The following PLXNA4 variants were observed in gnomAD, a reference collection of about 807,000 sequenced individuals.
The protein encoded by PLXNA4 is plexin-A4.
Under a neutral mutation model 191.8 loss-of-function variants are expected in PLXNA4, and 44 were observed. The observed-to-expected ratio is 0.23, with a 90% CI of 0.18 to 0.29. The LOEUF is 0.29. Among genes scored for constraint, PLXNA4 ranks in the 10% least tolerant of loss-of-function variants. PLXNA4 has a pLI of 1.00. For synonymous variants in PLXNA4, 1,082 were observed against 1,009.5 expected (o/e 1.07, Z -1.36); for missense variants, 1,800 against 2,488.8 (o/e 0.72, Z 5.89).
At chr7:132,334,318 C>T (rs1282926781) in intron 3 of PLXNA4, among the ~76,000 whole-genome samples, 1 of 137,710 alleles carries the variant, frequency 7.3e-6, no homozygotes, top group Non-Finnish European at 1.5e-5. Context: ...AGTGCAGTGG[C>T]CCAGTCGCAG....
intron 4 of PLXNA4, among the ~76,000 whole-genome samples, chr7:132,250,503 T>A (rs1235090813): frequency 1.3e-5 from 2 of 152,220 alleles, no homozygotes; most frequent in African/African-American, 4.8e-5. Context: ...GATTAATCTC[T>A]TAGTGTAAAG....
chr7:132,234,878 T>C lies in PLXNA4; in HGVS notation c.1604+6188A>G, dbSNP rs1238206988. Among the ~76,000 whole-genome samples the C allele has an allele frequency of 3.9e-5, 6 of 152,254 alleles. No individual in the cohort carries two copies. In the East Asian group the frequency reaches 7.7e-4, roughly 20 times the overall value. On this transcript the variant is annotated intron_variant, in intron 5 of 31. Transcript: ENST00000321063. Reference sequence around the variant, plus strand: ...GGACACCAACCATTCCTCATGACTGTGTAGGCCTTGTGCAAGCAGCCCTAG... The same window carrying C: ...GGACACCAACCATTCCTCATGACTGCGTAGGCCTTGTGCAAGCAGCCCTAG...
chr7:132,542,285 G>A (rs982872701), intron 1 of PLXNA4, among the ~76,000 whole-genome samples: 1 of 152,196 alleles, frequency 6.6e-6, no homozygotes, highest in Non-Finnish European at 1.5e-5. Flanking sequence ...TATAAATCCA[G>A]TTGGAGGTAA....
At chr7:132,465,017 C>G (rs1051309569) in intron 3 of PLXNA4, among the ~76,000 whole-genome samples, 1 of 152,238 alleles carries the variant, frequency 6.6e-6, no homozygotes, top group East Asian at 1.9e-4. Flanking sequence ...CCTGACCCAG[C>G]CCCGGGGAGC....
chr7:132,181,970 G>T (rs908250787), intron 17 of PLXNA4, 127 bp downstream of exon 17: 2 of 1,457,228 alleles, frequency 1.4e-6, no homozygotes, highest in Non-Finnish European at 1.9e-6. Context: ...GTATTCAAGG[G>T]TGTCAGGCTG....
intron 3 of PLXNA4, among the ~76,000 whole-genome samples, chr7:132,406,887 G>A (rs1163534372): frequency 2.0e-5 from 3 of 152,098 alleles, no homozygotes; most frequent in Admixed American, 6.5e-5. Context: ...AGTGGGCACC[G>A]AGAGAATCAA....
At chr7:132,151,800 C>T (rs1009032151) in intron 25 of PLXNA4, among the ~76,000 whole-genome samples, 3 of 152,114 alleles carry the variant, frequency 2.0e-5, no homozygotes, top group African/African-American at 7.2e-5. Flanking sequence ...GAAGCCTACC[C>T]AGCTGAACCC....
rs28644451 is a variant in PLXNA4 at position 132,365,362 on chromosome 7, C to T, written c.1372-67140G>A. Among the ~76,000 whole-genome samples, 546 of 63,424 alleles carry T rather than the reference C, an allele frequency of 8.6e-3. 3 individuals are homozygous for T. Among genetic ancestry groups the T allele is most frequent in the African/African-American group, 0.037 (419 of 11,272 alleles). 41.6% of individuals were successfully genotyped at this position (63,424 alleles called of 152,430 possible). A position where few individuals can be genotyped will look rare whatever the true frequency, so the allele number is the denominator to read the frequency against. ...GTGTGTGTGTGTGTGTGTGTGTGTGCGTGCGCGCGCATGCATGGGGCAAGA... is the reference window on the plus strand; with the variant it reads ...GTGTGTGTGTGTGTGTGTGTGTGTGTGTGCGCGCGCATGCATGGGGCAAGA... On this transcript the variant is annotated intron_variant, in intron 3 of 31. Transcript: ENST00000321063.
chr7:132,609,620 TAG>T (rs1300516074), intron 2 of PLXNA4, among the ~76,000 whole-genome samples: 6 of 152,240 alleles, frequency 3.9e-5, no homozygotes, highest in Admixed American at 3.3e-4. Flanking sequence ...TTTACTGAAT[TAG>T]ACTAATAGAT....
chr7:132,600,272 A>C (rs758927019), intron 2 of PLXNA4, among the ~76,000 whole-genome samples: 4 of 152,144 alleles, frequency 2.6e-5, no homozygotes, highest in Non-Finnish European at 5.9e-5. Flanking sequence ...GAACCTTAAA[A>C]CTATCTGGGC....
chr7:132,565,810 G>T (rs900995483), intron 1 of PLXNA4, among the ~76,000 whole-genome samples: 1 of 152,160 alleles, frequency 6.6e-6, no homozygotes, highest in African/African-American at 2.4e-5. Context: ...AAATGAAGTG[G>T]CAATTTCCCA....
At chr7:132,404,871 C>T (rs866394091) in intron 3 of PLXNA4, among the ~76,000 whole-genome samples, 10 of 152,148 alleles carry the variant, frequency 6.6e-5, no homozygotes, top group Middle Eastern at 3.4e-3. Flanking sequence ...GGTGGAAAGA[C>T]GAAGCTTCAG....
intron 3 of PLXNA4, chr7:132,384,333 A>G (rs956134614): frequency 7.1e-6 from 7 of 985,310 alleles, no homozygotes; most frequent in Middle Eastern, 5.2e-4. Context: ...ACTCTTGACT[A>G]CACTTTATTT....
intron 5 of PLXNA4, among the ~76,000 whole-genome samples, chr7:132,235,505 C>T (rs1798668464): frequency 6.6e-6 from 1 of 152,184 alleles, no homozygotes; most frequent in Admixed American, 6.5e-5. Context: ...GCCAACCTAT[C>T]CAGAGGAGGG....
intron 3 of PLXNA4, among the ~76,000 whole-genome samples, chr7:132,333,822 T>C (rs1269807125): frequency 1.3e-5 from 2 of 152,194 alleles, no homozygotes; most frequent in Non-Finnish European, 2.9e-5. Context: ...CCTTGTCTTA[T>C]AAACACTGCC....
chr7:132,354,336 A>C (rs1037777219), intron 3 of PLXNA4, among the ~76,000 whole-genome samples: 3 of 152,172 alleles, frequency 2.0e-5, no homozygotes, highest in African/African-American at 7.2e-5. Flanking sequence ...TTTGAAACCC[A>C]CTGGGGTCTA....
At chr7:132,548,873 C>A (rs752468084) in intron 1 of PLXNA4, among the ~76,000 whole-genome samples, 2 of 152,130 alleles carry the variant, frequency 1.3e-5, no homozygotes, top group Non-Finnish European at 2.9e-5. Flanking sequence ...AAAACCAAGA[C>A]GGTGATGAAA....
intron 29 of PLXNA4, among the ~76,000 whole-genome samples, chr7:132,143,395 C>G (rs978402868): frequency 1.3e-5 from 2 of 152,180 alleles, no homozygotes; most frequent in African/African-American, 4.8e-5. Context: ...TGGAGGTGGC[C>G]TTGCCCCAGC....
intron 2 of PLXNA4, 104 bp downstream of exon 2, chr7:132,507,402 A>T (rs1798509521): frequency 1.6e-6 from 2 of 1,289,966 alleles, no homozygotes. Context: ...TACTCACTTC[A>T]TCTGCAAAAG....
Sources: allele counts gnomAD v4.1 joint callset (sites outside exome capture counted in the v4.1 genomes callset), GRCh38; gene constraint gnomAD v4.1.1; transcripts MANE v1.5; gene names NCBI Gene and HGNC (gene_info 2026-07-23, HGNC 2026-07-21).